MYO1B: variants seen among roughly 807,000 people sequenced by gnomAD.
MYO1B encodes unconventional myosin-Ib.
In MYO1B, 72 loss-of-function variants were observed where a neutral mutation model predicts 159.7. That is an observed-to-expected ratio of 0.45 (90% confidence interval 0.37 to 0.55). The LOEUF is 0.55. Among genes scored for constraint, MYO1B ranks in the 20% least tolerant of loss-of-function variants. MYO1B has a pLI of 0.00. For missense variants in MYO1B, 1,062 were observed against 1,364.8 expected, an observed-to-expected ratio of 0.78 and a Z score of 3.50; for synonymous variants, 468 against 473.8, an observed-to-expected ratio of 0.99 and a Z score of 0.16.
At chr2:191,265,641 G>C (rs1313070681) in intron 1 of MYO1B, among the ~76,000 whole-genome samples, 1 of 152,086 alleles carries the variant, frequency 6.6e-6, no homozygotes, top group Non-Finnish European at 1.5e-5. Context: ...TCACTTAGGG[G>C]TTCCGGGGTC....
chr2:191,366,117 G>A (rs1315034441), intron 11 of MYO1B, among the ~76,000 whole-genome samples: 1 of 152,180 alleles, frequency 6.6e-6, no homozygotes, highest in African/African-American at 2.4e-5. Context: ...AGTGGGAATT[G>A]TTAAGTCTGT....
intron 1 of MYO1B, among the ~76,000 whole-genome samples, chr2:191,251,757 G>A (rs1056771210): frequency 6.6e-6 from 1 of 152,084 alleles, no homozygotes; most frequent in Non-Finnish European, 1.5e-5. Flanking sequence ...ATTAGTTATC[G>A]ACATTATAAT....
rs564466101 is a variant in MYO1B, at chr2:191,349,044, C to T, written c.499-1118C>T. Among the ~76,000 whole-genome samples the T allele has an allele frequency of 7.9e-4, 120 of 152,266 alleles. 1 individual carries two copies. Among genetic ancestry groups the T allele is most frequent in the Middle Eastern group, 6.8e-3 (2 of 294 alleles). ...AGATTTCCTACTCTCCCTTTGTTCC[C>T]GCTTCTTTGGCATAGCACCAGGACC... On this transcript the variant is annotated intron_variant, in intron 6 of 30. Coordinates refer to ENST00000392318, the MANE Select transcript of MYO1B (RefSeq NM_001130158.3).
At chr2:191,322,773 T>C (rs967372091) in intron 3 of MYO1B, among the ~76,000 whole-genome samples, 1 of 152,162 alleles carries the variant, frequency 6.6e-6, no homozygotes, top group African/African-American at 2.4e-5. Context: ...ATGTGGGTGT[T>C]ACAGGAAAGG....
rs1271140136 is a variant in MYO1B at position 191,289,060 on chromosome 2, T to G, written c.136-7051T>G. Among the ~76,000 whole-genome samples, 3 of 152,350 alleles carry G rather than the reference T, an allele frequency of 2.0e-5. No individual in the cohort carries two copies. The Middle Eastern group carries it at 0.01, about 518-fold the overall frequency. Reference sequence around the variant, plus strand: ...TCTGAAGTTAAAGAATGATTACGATTGAATCTTTTCTGGTGAGAGCAAACA... The same window carrying G: ...TCTGAAGTTAAAGAATGATTACGATGGAATCTTTTCTGGTGAGAGCAAACA... On this transcript the variant is annotated intron_variant, in intron 2 of 30. Transcript: ENST00000392318.
chr2:191,384,062 T>C (rs933193671), intron 15 of MYO1B, among the ~76,000 whole-genome samples: 17 of 152,206 alleles, frequency 1.1e-4, no homozygotes, highest in Non-Finnish European at 2.1e-4. Context: ...GACCCAAGTA[T>C]GTGCATATGC....
At chr2:191,287,257 G>T (rs1688429257) in intron 2 of MYO1B, among the ~76,000 whole-genome samples, 1 of 152,150 alleles carries the variant, frequency 6.6e-6, no homozygotes, top group Non-Finnish European at 1.5e-5. Context: ...GCCAGGCGCG[G>T]TGGCTCACGC....
intron 11 of MYO1B, among the ~76,000 whole-genome samples, chr2:191,368,573 C>T (rs975949401): frequency 6.6e-6 from 1 of 152,152 alleles, no homozygotes; most frequent in Non-Finnish European, 1.5e-5. Context: ...GCCTCTTTGT[C>T]AAGTAGTTCT....
chr2:191,350,021 G>A (rs976527542), intron 6 of MYO1B, 141 bp from the exon 7 acceptor site: 10 of 624,904 alleles, frequency 1.6e-5, no homozygotes, highest in East Asian at 6.0e-5. Flanking sequence ...GTTTTGCATC[G>A]TGGTTATATA....
At chr2:191,383,467 T>TAC (rs1695178309) in intron 15 of MYO1B, 125 bp downstream of exon 15, 6 of 22,978 alleles carry the variant, frequency 2.6e-4, no homozygotes, top group African/African-American at 4.5e-4. Flanking sequence ...TATATATATA[T>TAC]ATATATACAC....
intron 1 of MYO1B, among the ~76,000 whole-genome samples, chr2:191,247,599 A>G (rs531020251): frequency 6.6e-6 from 1 of 152,352 alleles, no homozygotes; most frequent in Admixed American, 6.5e-5. Flanking sequence ...TGCCTGGCAA[A>G]ACGTTGTGCT....
chr2:191,348,964 C>A (rs1692745069), intron 6 of MYO1B, among the ~76,000 whole-genome samples: 1 of 152,200 alleles, frequency 6.6e-6, no homozygotes, highest in Non-Finnish European at 1.5e-5. Context: ...CCTTCCTGGT[C>A]TCCCACCTCC....
intron 5 of MYO1B, among the ~76,000 whole-genome samples, chr2:191,344,754 C>T (rs879872616): frequency 4.8e-4 from 65 of 135,826 alleles, no homozygotes; most frequent in East Asian, 1.4e-3. Flanking sequence ...GGCGTGAACC[C>T]GGGAGGCGGA....
chr2:191,411,650 G>A (rs1464961424), intron 27 of MYO1B, among the ~76,000 whole-genome samples: 1 of 152,156 alleles, frequency 6.6e-6, no homozygotes, highest in African/African-American at 2.4e-5. Context: ...TTGAGCACTG[G>A]TCTGTGGTGC....
chr2:191,412,099 T>C (rs1697283179), intron 27 of MYO1B, among the ~76,000 whole-genome samples: 1 of 152,240 alleles, frequency 6.6e-6, no homozygotes, highest in Admixed American at 6.5e-5. Flanking sequence ...ATATTTTAAA[T>C]TGTACAACTT....
intron 3 of MYO1B, among the ~76,000 whole-genome samples, chr2:191,299,661 G>A (rs12623156): frequency 0.53 from 80,517 of 152,018 alleles, 22,068 homozygotes; most frequent in East Asian, 0.65. Context: ...AGAATTTGAT[G>A]AGGGTTCAGT....
intron 18 of MYO1B, 23 bp downstream of exon 18, chr2:191,390,515 TTAA>T (rs760563154): frequency 1.2e-6 from 2 of 1,602,912 alleles, no homozygotes; most frequent in Admixed American, 3.4e-5. Flanking sequence ...GTGACCATAT[TTAA>T]TAATGAATGT....
intron 1 of MYO1B, among the ~76,000 whole-genome samples, chr2:191,249,674 T>G (rs2125649892): frequency 6.6e-6 from 1 of 152,306 alleles, no homozygotes; most frequent in Middle Eastern, 3.4e-3. Context: ...AATGGAAAAG[T>G]CAATATTAGG....
chr2:191,418,298 C>T (rs1697703528), intron 30 of MYO1B, among the ~76,000 whole-genome samples: 1 of 152,082 alleles, frequency 6.6e-6, no homozygotes, highest in South Asian at 2.1e-4. Flanking sequence ...CCCTAAGTGG[C>T]TTCGCTAGCT....
Sources: allele counts gnomAD v4.1 joint callset (sites outside exome capture counted in the v4.1 genomes callset), GRCh38; gene constraint gnomAD v4.1.1; transcripts MANE v1.5; gene names NCBI Gene and HGNC (gene_info 2026-07-23, HGNC 2026-07-21).